SLMAP: variants seen among roughly 807,000 people sequenced by gnomAD.
SLMAP encodes sarcolemma associated protein.
A neutral mutation model predicts 128.8 loss-of-function variants in SLMAP; 44 were observed. The observed-to-expected ratio is 0.34, with a 90% CI of 0.27 to 0.44. The LOEUF is 0.44. Among genes scored for constraint, SLMAP ranks in the 20% least tolerant of loss-of-function variants. SLMAP has a pLI of 1.00. For missense variants in SLMAP, 787 were observed against 985.3 expected, an observed-to-expected ratio of 0.80 and a Z score of 2.69; for synonymous variants, 327 against 348.8, an observed-to-expected ratio of 0.94 and a Z score of 0.70.
chr3:57,855,249 A>G (rs970127292), intron 6 of SLMAP, among the ~76,000 whole-genome samples: 2 of 151,882 alleles, frequency 1.3e-5, no homozygotes, highest in African/African-American at 4.8e-5. Flanking sequence ...ATGGTGGCAC[A>G]TGCCTGTAGT....
At chr3:57,807,845 G>T (rs1047808785) in intron 2 of SLMAP, among the ~76,000 whole-genome samples, 1 of 152,200 alleles carries the variant, frequency 6.6e-6, no homozygotes, top group African/African-American at 2.4e-5. Flanking sequence ...AGAAGGAATG[G>T]TACCAGCTCC....
chr3:57,875,304 G>C (rs1463929661), intron 14 of SLMAP, among the ~76,000 whole-genome samples: 1 of 152,108 alleles, frequency 6.6e-6, no homozygotes, highest in Admixed American at 6.5e-5. Flanking sequence ...TGGGAGGATT[G>C]CTTGAGCCAG....
At chr3:57,868,450 G>GT (rs2095366322) in intron 13 of SLMAP, among the ~76,000 whole-genome samples, 1 of 151,424 alleles carries the variant, frequency 6.6e-6, no homozygotes, top group South Asian at 2.1e-4. Context: ...AATTAGTGAG[G>GT]TGTGGTGGCA....
At chr3:57,900,827 A>G (rs969988298) in intron 17 of SLMAP, 3 of 152,134 alleles carry the variant, frequency 2.0e-5, no homozygotes, top group African/African-American at 7.2e-5. Flanking sequence ...GCAAAAATCT[A>G]TCCTCTGGAT....
At position 57,891,969 on chromosome 3, in the gene SLMAP, C is replaced by T. The variant is rs543331102; in HGVS notation, c.1360+1869C>T. 3.9e-5 allele frequency among the ~76,000 whole-genome samples: 6 copies of T among 152,174 alleles called. No individual in the cohort carries two copies. The South Asian group carries it at 1.2e-3, about 32-fold the overall frequency. On this transcript the variant is annotated intron_variant, in intron 15 of 24. Transcript: ENST00000671191. ...AGCAACAAGAGGAAAGCATTAGGGT[C>T]CATTAATAAGGGTATTTATTAAATA...
chr3:57,909,004 T>C, intron 18 of SLMAP, 72 bp from the exon 19 acceptor site: 1 of 1,066,216 alleles, frequency 9.4e-7, no homozygotes, highest in Non-Finnish European at 1.4e-6. Flanking sequence ...AAAAGAAATT[T>C]TCAGCTGCTC....
In SLMAP at chr3:57,925,886, A is replaced by G. The variant is rs1231729557; in HGVS notation, c.2487A>G (p.Leu829=). Residue 829 remains leucine (L), a synonymous_variant, in exon 24 of 25, where the codon CTA becomes CTG. Transcript: ENST00000671191. The part of the protein sequence containing the change: ...LQPVPAVFIG[L]FLAFLFWCFG... ...CCGTCCCAGCCGTATTCATCGGCCT[A>G]TTCCTGGCTTTCCTGTTTTGGTGTT... is the stretch of plus-strand genomic sequence containing the variant. 7.7e-6 allele frequency: 12 copies of G among 1,551,026 alleles called. No individual in the cohort carries two copies. The highest frequency in any genetic ancestry group is 9.6e-6 in the Non-Finnish European group (11 of 1,147,102).
intron 14 of SLMAP, among the ~76,000 whole-genome samples, chr3:57,889,266 C>A (rs1262610860): frequency 6.6e-6 from 1 of 152,160 alleles, no homozygotes; most frequent in African/African-American, 2.4e-5. Context: ...AGAAAAGGAG[C>A]CATGGGCATT....
At chr3:57,917,348 AC>A in intron 22 of SLMAP, 1 of 656,832 alleles carries the variant, frequency 1.5e-6, no homozygotes, top group Non-Finnish European at 2.3e-6. Context: ...AATCCTTTGT[AC>A]CAGGTCTCTT....
chr3:57,801,553 A>C (rs145860066), intron 2 of SLMAP: 1 of 152,230 alleles, frequency 6.6e-6, no homozygotes, highest in Non-Finnish European at 1.5e-5. Context: ...CTGCAGGCCC[A>C]CAGACATTTT....
chr3:57,870,412 G>A (rs1014212056), intron 13 of SLMAP, among the ~76,000 whole-genome samples: 1 of 151,560 alleles, frequency 6.6e-6, no homozygotes, highest in East Asian at 1.9e-4. Context: ...AGGCTATATT[G>A]TATCACTATA....
At chr3:57,853,146 C>T (rs1444302819) in intron 6 of SLMAP, among the ~76,000 whole-genome samples, 1 of 152,110 alleles carries the variant, frequency 6.6e-6, no homozygotes, top group African/African-American at 2.4e-5. Flanking sequence ...TTTTGTTTTT[C>T]AGTAAAACTT....
chr3:57,861,552 A>G (rs948337444), intron 9 of SLMAP, among the ~76,000 whole-genome samples: 1 of 152,166 alleles, frequency 6.6e-6, no homozygotes, highest in Non-Finnish European at 1.5e-5. Context: ...ATATAAAGAA[A>G]GTTACTAAGT....
rs1411235405 is a variant in SLMAP at position 57,905,278 on chromosome 3, C to CT, written c.1502-2598dup. 2.6e-5 allele frequency among the ~76,000 whole-genome samples: 4 copies of CT among 151,728 alleles called. No homozygotes were observed. In the South Asian group the frequency reaches 6.3e-4, roughly 24 times the overall value. ...CATACCCTACACCAGAGGATTAATCCTTTTTTTTCTTTTTCTTTTTTGATA... is the reference window on the plus strand; with the variant it reads ...CATACCCTACACCAGAGGATTAATCCTTTTTTTTTCTTTTTCTTTTTTGATA... On this transcript the variant is annotated intron_variant, in intron 17 of 24. Transcript: ENST00000671191.
At chr3:57,916,586 TAGA>T (rs2096817382) in intron 21 of SLMAP, among the ~76,000 whole-genome samples, 1 of 151,478 alleles carries the variant, frequency 6.6e-6, no homozygotes, top group Non-Finnish European at 1.5e-5. Flanking sequence ...TCTTTTCCTG[TAGA>T]AGACCTACAC....
intron 2 of SLMAP, among the ~76,000 whole-genome samples, chr3:57,797,060 T>C (rs2086901778): frequency 6.6e-6 from 1 of 151,470 alleles, no homozygotes. Context: ...CATGTGCCTA[T>C]AGTCCCAGCT....
chr3:57,903,828 CT>C (rs1243742304), intron 17 of SLMAP, among the ~76,000 whole-genome samples: 2 of 152,156 alleles, frequency 1.3e-5, no homozygotes, highest in Non-Finnish European at 2.9e-5. Flanking sequence ...CTTAGTAAGG[CT>C]TTCATTTATC....
At chr3:57,780,413 A>G (rs1038830347) in intron 2 of SLMAP, among the ~76,000 whole-genome samples, 10 of 151,956 alleles carry the variant, frequency 6.6e-5, no homozygotes, top group African/African-American at 2.2e-4. Context: ...CCAAAGTGCC[A>G]GGTTTACAGG....
intron 7 of SLMAP, 80 bp downstream of exon 7, chr3:57,857,908 C>T (rs1653947933): frequency 6.8e-6 from 7 of 1,029,296 alleles, no homozygotes; most frequent in Non-Finnish European, 1.0e-5. Context: ...TAAAATGTAG[C>T]AAACAAAGAC....
Sources: allele counts gnomAD v4.1 joint callset (sites outside exome capture counted in the v4.1 genomes callset), GRCh38; gene constraint gnomAD v4.1.1; transcripts MANE v1.5; gene names NCBI Gene and HGNC (gene_info 2026-07-23, HGNC 2026-07-21).